The following PHF2 variants were observed in gnomAD, a reference collection of about 807,000 sequenced individuals.
The protein encoded by PHF2 is PHD finger protein 2.
Under a neutral mutation model 120.5 loss-of-function variants are expected in PHF2, and 27 were observed. The observed-to-expected ratio is 0.22, with a 90% CI of 0.17 to 0.31. The LOEUF (loss-of-function observed/expected upper bound fraction) is 0.31. Among genes scored for constraint, PHF2 ranks in the 10% least tolerant of loss-of-function variants. The pLI, the probability that PHF2 is intolerant of heterozygous loss-of-function variation, is 1.00. For missense variants in PHF2, 1,024 were observed against 1,434.8 expected, an observed-to-expected ratio of 0.71 and a Z score of 4.63; for synonymous variants, 568 against 592.5, an observed-to-expected ratio of 0.96 and a Z score of 0.60.
intron 1 of PHF2, among the ~76,000 whole-genome samples, chr9:93,590,210 A>G (rs985733515): frequency 5.3e-5 from 8 of 152,250 alleles, no homozygotes; most frequent in Non-Finnish European, 1.2e-4. Flanking sequence ...AGAAAGGTGA[A>G]AAAGAATACC....
intron 9 of PHF2, 32 bp from the exon 10 acceptor site, chr9:93,658,113 C>G: frequency 1.3e-6 from 2 of 1,481,910 alleles, no homozygotes; most frequent in South Asian, 1.2e-5. Flanking sequence ...GCAGCAGGCA[C>G]CCACCCACCT....
chr9:93,590,747 C>T (rs573884283), intron 1 of PHF2, among the ~76,000 whole-genome samples: 1 of 152,344 alleles, frequency 6.6e-6, no homozygotes, highest in South Asian at 2.1e-4. Context: ...GGGCCACAGT[C>T]CTCCCTGCAG....
chr9:93,576,779 G>A lies in PHF2; in HGVS notation c.6G>A (p.Ala2=). The A allele has an allele frequency of 1.6e-6, 2 of 1,258,666 alleles. No individual in the cohort carries two copies. The highest frequency in any genetic ancestry group is 2.4e-4 in the Middle Eastern group (1 of 4,194). 78.0% of individuals were successfully genotyped at this position (1,258,666 alleles called of 1,614,324 possible). A position where few individuals can be genotyped will look rare whatever the true frequency, so the allele number is the denominator to read the frequency against. M[A]TVPVYCVCRL... ...CGGCGGCGCGGCGCGGCAACATGGCGACGGTGCCCGTGTACTGCGTCTGCC... is the reference window on the plus strand; with the variant it reads ...CGGCGGCGCGGCGCGGCAACATGGCAACGGTGCCCGTGTACTGCGTCTGCC... The change falls in exon 1 of 22, where the codon GCG becomes GCA. Residue 2 remains alanine (A), a synonymous_variant. Coordinates refer to ENST00000359246, the MANE Select transcript of PHF2 (RefSeq NM_005392.4).
chr9:93,660,065 G>A, intron 11 of PHF2, 127 bp from the exon 12 acceptor site: 2 of 1,203,404 alleles, frequency 1.7e-6, no homozygotes, highest in Non-Finnish European at 2.3e-6. Flanking sequence ...TGGGGTAGCT[G>A]AGCCTTTCTG....
chr9:93,580,877 C>A (rs1442996100), intron 1 of PHF2, among the ~76,000 whole-genome samples: 1 of 151,968 alleles, frequency 6.6e-6, no homozygotes, highest in African/African-American at 2.4e-5. Flanking sequence ...AGAGGAGGGG[C>A]GAGAGTGGAC....
At chr9:93,629,152 C>A (rs187558494) in intron 1 of PHF2, among the ~76,000 whole-genome samples, 4 of 152,246 alleles carry the variant, frequency 2.6e-5, no homozygotes, top group African/African-American at 9.6e-5. Flanking sequence ...CCGCCCACCT[C>A]GGCCTCTCAA....
At chr9:93,608,269 G>A (rs1312630544) in intron 1 of PHF2, among the ~76,000 whole-genome samples, 1 of 152,040 alleles carries the variant, frequency 6.6e-6, no homozygotes, top group Non-Finnish European at 1.5e-5. Flanking sequence ...TCTGCAGTGG[G>A]CTGTGATTGC....
In PHF2 at chr9:93,578,390, G is replaced by A. The variant is rs191915787; in HGVS notation, c.98+1519G>A. Among the ~76,000 whole-genome samples the A allele has an allele frequency of 2.2e-4, 33 of 152,340 alleles. No individual in the cohort carries two copies. In the East Asian group the frequency reaches 6.4e-3, roughly 29 times the overall value. On this transcript the variant is annotated intron_variant, in intron 1 of 21. Transcript: ENST00000359246. ...ACTGGCAGCCGTTGAGAAGTTCATG[G>A]CCGGGCCAAAGTGAGTGAGAGCCTC...
At chr9:93,607,785 G>A (rs573449769) in intron 1 of PHF2, among the ~76,000 whole-genome samples, 2 of 152,172 alleles carry the variant, frequency 1.3e-5, no homozygotes, top group African/African-American at 4.8e-5. Context: ...CAAATTCCAA[G>A]TGTTCATTTC....
intron 14 of PHF2, among the ~76,000 whole-genome samples, chr9:93,665,310 G>A (rs1451151909): frequency 6.6e-6 from 1 of 152,234 alleles, no homozygotes; most frequent in East Asian, 1.9e-4. Flanking sequence ...TGGGACAGTT[G>A]GGGGTCACTG....
intron 17 of PHF2, among the ~76,000 whole-genome samples, chr9:93,668,995 C>T (rs1826732738): frequency 6.6e-6 from 1 of 152,212 alleles, no homozygotes; most frequent in African/African-American, 2.4e-5. Flanking sequence ...ATAGTTTGCT[C>T]AGTGTTTATT....
intron 1 of PHF2, among the ~76,000 whole-genome samples, chr9:93,627,492 A>ATTTTTTTTTTTTTTTTTTTTTTTT (rs55647503): frequency 6.7e-4 from 72 of 108,128 alleles, no homozygotes; most frequent in Middle Eastern, 5.6e-3. Flanking sequence ...TTATTTCAGG[A>ATTTTTTTTTTTTTTTTTTTTTTTT]TTTTTTTTTT....
At chr9:93,624,046 C>G (rs796629209) in intron 1 of PHF2, among the ~76,000 whole-genome samples, 1 of 152,262 alleles carries the variant, frequency 6.6e-6, no homozygotes, top group Non-Finnish European at 1.5e-5. Context: ...AAGGGCAGTA[C>G]TATCCTTAGT....
At chr9:93,639,816 A>G (rs959682658) in intron 3 of PHF2, among the ~76,000 whole-genome samples, 11 of 152,140 alleles carry the variant, frequency 7.2e-5, no homozygotes, top group Non-Finnish European at 1.6e-4. Context: ...CCCAAGAAGA[A>G]AGCTCTCTAG....
intron 1 of PHF2, among the ~76,000 whole-genome samples, chr9:93,608,924 T>G (rs979351111): frequency 2.0e-5 from 3 of 151,990 alleles, no homozygotes; most frequent in Non-Finnish European, 2.9e-5. Context: ...GATTAATATA[T>G]ACCGTATTTG....
At chr9:93,583,923 G>T (rs1460600826) in intron 1 of PHF2, among the ~76,000 whole-genome samples, 14 of 149,304 alleles carry the variant, frequency 9.4e-5, no homozygotes, top group African/African-American at 3.5e-4. Flanking sequence ...CTGCCTCCCT[G>T]GTTCAAGTGA....
intron 1 of PHF2, among the ~76,000 whole-genome samples, chr9:93,608,929 T>A (rs1451844076): frequency 6.6e-6 from 1 of 151,974 alleles, no homozygotes; most frequent in Non-Finnish European, 1.5e-5. Context: ...ATATATACCG[T>A]ATTTGTTACT....
chr9:93,598,499 C>T (rs1825374607), intron 1 of PHF2, among the ~76,000 whole-genome samples: 1 of 152,236 alleles, frequency 6.6e-6, no homozygotes, highest in East Asian at 1.9e-4. Flanking sequence ...GCTGCCAACC[C>T]CCGTCAGAAG....
intron 3 of PHF2, 151 bp from the exon 4 acceptor site, chr9:93,645,478 T>C: frequency 1.4e-6 from 1 of 731,336 alleles, no homozygotes; most frequent in Admixed American, 2.9e-5. Context: ...TCGTCCCATT[T>C]GTGGCACCAC....
Sources: allele counts gnomAD v4.1 joint callset (sites outside exome capture counted in the v4.1 genomes callset), GRCh38; gene constraint gnomAD v4.1.1; transcripts MANE v1.5; gene names NCBI Gene and HGNC (gene_info 2026-07-23, HGNC 2026-07-21).